DTNA: variants seen among roughly 807,000 people sequenced by gnomAD.
DTNA encodes the protein dystrophin-related protein 3.
A neutral mutation model predicts 100.7 loss-of-function variants in DTNA; 43 were observed. The observed-to-expected ratio is 0.43, with a 90% CI of 0.33 to 0.55. DTNA has a LOEUF of 0.55. Ranked by LOEUF, DTNA falls within the 20% of genes least tolerant of loss-of-function variation. The pLI is 0.04. For synonymous variants in DTNA, 349 were observed against 347.9 expected, an observed-to-expected ratio of 1.00 and a Z score of -0.04; for missense variants, 798 against 953.9, an observed-to-expected ratio of 0.84 and a Z score of 2.15.
exon 1 of DTNA, chr18:34,493,455 C>G (rs1201858333): frequency 3.3e-5 from 5 of 152,364 alleles, no homozygotes; most frequent in African/African-American, 1.2e-4. Context: ...TCCCTGCAGA[C>G]CAATGGACAC....
intron 9 of DTNA, among the ~76,000 whole-genome samples, chr18:34,821,781 T>C (rs1328755313): frequency 3.9e-5 from 6 of 152,170 alleles, no homozygotes; most frequent in Admixed American, 3.9e-4. Context: ...TGTTTGCATG[T>C]TGACATCAAG....
Position 34,751,410 on chromosome 18 carries a change from C to G in DTNA, c.-1-4566C>G, listed in dbSNP as rs558767020. On this transcript the variant is annotated intron_variant, in intron 1 of 22. Transcript: ENST00000444659. ...GGAGTTGTTTCCTAAACCTGAATCT[C>G]TATACATCAATTTCCTACTTAAACC... Among the ~76,000 whole-genome samples, 51 of 152,314 alleles carry G rather than the reference C, an allele frequency of 3.3e-4. No individual in the cohort carries two copies. In the Middle Eastern group the frequency reaches 0.014, roughly 41 times the overall value.
At chr18:34,810,651 A>G (rs922987952) in intron 5 of DTNA, among the ~76,000 whole-genome samples, 2 of 152,158 alleles carry the variant, frequency 1.3e-5, no homozygotes, top group Admixed American at 1.3e-4. Context: ...ACTATAGTTA[A>G]CAAAATTTTA....
chr18:34,637,323 G>A (rs1246959171), intron 1 of DTNA, among the ~76,000 whole-genome samples: 1 of 152,122 alleles, frequency 6.6e-6, no homozygotes, highest in Non-Finnish European at 1.5e-5. Flanking sequence ...CCCCTTCACA[G>A]TTCTTATCAG....
chr18:34,666,784 T>G (rs2075994690), intron 1 of DTNA, among the ~76,000 whole-genome samples: 2 of 152,184 alleles, frequency 1.3e-5, no homozygotes, highest in Non-Finnish European at 2.9e-5. Flanking sequence ...GGTCTACATC[T>G]CTGTTTTGGT....
At chr18:34,829,519 G>C (rs745592654) in intron 11 of DTNA, 30 bp downstream of exon 11, 1 of 1,488,566 alleles carries the variant, frequency 6.7e-7, no homozygotes, top group East Asian at 2.5e-5. Context: ...ATTGCTAATC[G>C]TAGTAGTAGT....
At chr18:34,712,193 A>G (rs943213808) in intron 1 of DTNA, among the ~76,000 whole-genome samples, 1 of 152,142 alleles carries the variant, frequency 6.6e-6, no homozygotes, top group African/African-American at 2.4e-5. Flanking sequence ...ATGAAAAGAT[A>G]TACAAAAGGT....
At position 34,820,910 on chromosome 18, in the gene DTNA, C is replaced by T. The variant is rs1303163578; in HGVS notation, c.996C>T (p.His332=). ...DQPEKPLNLA[H]IVPPRPVTSM... is the part of the protein sequence containing the mutation. ...CTGAGAAGCCACTCAACTTGGCTCACATCGTGTGAGTATCCCTACCCTCCC... is the reference window on the plus strand; with the variant it reads ...CTGAGAAGCCACTCAACTTGGCTCATATCGTGTGAGTATCCCTACCCTCCC... Residue 332 remains histidine (H), a synonymous_variant, in exon 9 of 23, where the codon CAC becomes CAT. Transcript: ENST00000444659. The T allele has an allele frequency of 6.2e-7, 1 of 1,613,818 alleles. No homozygotes were observed. The highest frequency in any genetic ancestry group is 1.3e-5 in the African/African-American group (1 of 74,800).
intron 17 of DTNA, among the ~76,000 whole-genome samples, chr18:34,865,698 C>T (rs2096692604): frequency 1.3e-5 from 2 of 152,290 alleles, no homozygotes. Flanking sequence ...AGGACTGAAC[C>T]TATCTTTCCC....
At chr18:34,764,874 G>A (rs2093386946) in intron 2 of DTNA, among the ~76,000 whole-genome samples, 1 of 152,142 alleles carries the variant, frequency 6.6e-6, no homozygotes, top group South Asian at 2.1e-4. Context: ...ATAAACATGG[G>A]CTTAGAAAAA....
In DTNA at chr18:34,497,261, CA is replaced by C. The variant is rs542143182; in HGVS notation, c.-2+3751del. Among the ~76,000 whole-genome samples the C allele has an allele frequency of 2.8e-4, 43 of 152,038 alleles. No individual in the cohort carries two copies. The East Asian group carries it at 7.1e-3, about 25-fold the overall frequency. ...AGTCCCTGAGATTGTCTCAACTACC[CA>C]AAAGAAGAGAAGAGGCTTCATAGTG... On this transcript the variant is annotated intron_variant, in intron 1 of 19. Coordinates refer to the DTNA transcript ENST00000283365.
At chr18:34,538,248 C>G (rs2145677164) in intron 1 of DTNA, among the ~76,000 whole-genome samples, 1 of 152,186 alleles carries the variant, frequency 6.6e-6, no homozygotes, top group Non-Finnish European at 1.5e-5. Flanking sequence ...ACAACCCAGA[C>G]CTACTGAAAC....
At chr18:34,602,063 G>A (rs2051979008) in intron 1 of DTNA, among the ~76,000 whole-genome samples, 1 of 152,140 alleles carries the variant, frequency 6.6e-6, no homozygotes, top group South Asian at 2.1e-4. Context: ...ACAGAGGAAT[G>A]GTGATGTATA....
chr18:34,890,244 G>A lies in DTNA; in HGVS notation c.*2510G>A, dbSNP rs1041163227. On this transcript the variant is annotated 3_prime_UTR_variant, in exon 23 of 23. Coordinates refer to ENST00000444659, the MANE Select transcript of DTNA (RefSeq NM_001386795.1). ...ATATAAAGCCATTGCAAGGACTCTG[G>A]AAACTGCCGCCAATGACCAATTTCT... The A allele has an allele frequency of 8.6e-6, 13 of 1,511,016 alleles. No individual in the cohort carries two copies. The highest frequency in any genetic ancestry group is 1.1e-5 in the Non-Finnish European group (13 of 1,133,926). 93.6% of individuals were successfully genotyped at this position (1,511,016 alleles called of 1,614,324 possible).
At chr18:34,524,901 G>A (rs531857263) in intron 1 of DTNA, among the ~76,000 whole-genome samples, 1 of 152,222 alleles carries the variant, frequency 6.6e-6, no homozygotes, top group Admixed American at 6.5e-5. Context: ...GAAAGCAAGT[G>A]AGTTTGGGGC....
intron 1 of DTNA, among the ~76,000 whole-genome samples, chr18:34,681,731 C>CACACACACACACACACACACACACACA (rs1491407771): frequency 6.8e-6 from 1 of 148,060 alleles, no homozygotes; most frequent in African/African-American, 2.5e-5. Flanking sequence ...CACACACACA[C>CACACACACACACACACACACACACACA]CCCACACACA....
At chr18:34,809,571 T>A (rs1164484769) in intron 5 of DTNA, among the ~76,000 whole-genome samples, 1 of 152,240 alleles carries the variant, frequency 6.6e-6, no homozygotes, top group Admixed American at 6.5e-5. Context: ...TTGAGGGTTT[T>A]GTTTTCCCTT....
chr18:34,859,908 A>G (rs1386505621), intron 16 of DTNA, among the ~76,000 whole-genome samples: 1 of 152,248 alleles, frequency 6.6e-6, no homozygotes, highest in Non-Finnish European at 1.5e-5. Context: ...GCCTTGAATA[A>G]GGCTGGTATT....
chr18:34,512,470 C>G (rs1475850788), intron 1 of DTNA, among the ~76,000 whole-genome samples: 1 of 152,046 alleles, frequency 6.6e-6, no homozygotes, highest in Non-Finnish European at 1.5e-5. Flanking sequence ...GAATGGCCCT[C>G]TCATCTATGA....
Sources: gnomAD v4.1 joint callset for allele counts (sites outside exome capture counted in the v4.1 genomes callset) on GRCh38, gnomAD v4.1.1 for gene constraint, MANE v1.5 for transcripts, NCBI Gene and HGNC (gene_info 2026-07-23, HGNC 2026-07-21) for gene names.